The following KCTD16 variants were observed in gnomAD, a reference collection of about 807,000 sequenced individuals.
KCTD16 encodes potassium channel tetramerization domain containing 16.
A neutral mutation model predicts 33.2 loss-of-function variants in KCTD16; 13 were observed. The ratio of observed to expected loss-of-function variants is 0.39; its 90% CI spans 0.25 to 0.62. The LOEUF (loss-of-function observed/expected upper bound fraction) is 0.62, where lower values mean the gene tolerates loss of function less well. KCTD16 is among the 20% of genes least tolerant of loss of function. The probability of loss-of-function intolerance (pLI) is 0.50; values close to 1 mark genes in which losing one functional copy is unlikely to be tolerated. For missense variants in KCTD16, 441 were observed against 525.1 expected (o/e 0.84, Z 1.57); for synonymous variants, 197 against 195.3 (o/e 1.01, Z -0.07).
chr5:144,467,892 T>A (rs1754383288), intron 3 of KCTD16, among the ~76,000 whole-genome samples: 1 of 152,106 alleles, frequency 6.6e-6, no homozygotes, highest in African/African-American at 2.4e-5. Context: ...GGATTTGGGT[T>A]AACCACACAG....
intron 3 of KCTD16, among the ~76,000 whole-genome samples, chr5:144,221,749 T>C (rs1222882640): frequency 2.0e-5 from 3 of 152,058 alleles, no homozygotes; most frequent in Non-Finnish European, 4.4e-5. Context: ...GTCTTTAGAG[T>C]AGGATGATTT....
chr5:144,481,560 A>C lies in KCTD16; in HGVS notation c.*7446A>C, dbSNP rs1754703852. The C allele has an allele frequency of 6.6e-6, 1 of 151,900 alleles. No homozygotes were observed. The highest frequency in any genetic ancestry group is 1.5e-5 in the Non-Finnish European group (1 of 67,910). The allele number at this position is 151,900 out of a possible 1,614,324, so 9.4% of individuals were successfully genotyped here. ...GAAATGATTTGACATTTTTCTTTTA[A>C]TGTATCATACCAATATCCCAGGGAT... On this transcript the variant is annotated 3_prime_UTR_variant, in exon 4 of 4. Coordinates refer to ENST00000512467, the MANE Select transcript of KCTD16 (RefSeq NM_020768.4).
intron 3 of KCTD16, among the ~76,000 whole-genome samples, chr5:144,440,366 G>T (rs1753678062): frequency 6.6e-6 from 1 of 152,052 alleles, no homozygotes; most frequent in Admixed American, 6.5e-5. Context: ...TGTGTCATAT[G>T]GTAACTCTTA....
At chr5:144,173,429 A>T (rs554063203) in intron 1 of KCTD16, among the ~76,000 whole-genome samples, 17 of 152,200 alleles carry the variant, frequency 1.1e-4, no homozygotes, top group Non-Finnish European at 2.2e-4. Context: ...GAGCTAAATA[A>T]TGAGAACACA....
At chr5:144,217,313 C>A (rs1429550699) in intron 3 of KCTD16, among the ~76,000 whole-genome samples, 1 of 152,130 alleles carries the variant, frequency 6.6e-6, no homozygotes, top group African/African-American at 2.4e-5. Flanking sequence ...TACTAATTTT[C>A]TTTCTAGTCA....
At chr5:144,209,855 T>A (rs1012504593) in intron 3 of KCTD16, among the ~76,000 whole-genome samples, 2 of 146,452 alleles carry the variant, frequency 1.4e-5, no homozygotes, top group Admixed American at 1.4e-4. Flanking sequence ...TGTGTATATA[T>A]ATACACATAT....
At position 144,479,714 on chromosome 5, in the gene KCTD16, A is replaced by G. The variant is rs1335580602; in HGVS notation, c.*5600A>G. The G allele has an allele frequency of 6.6e-6, 1 of 151,952 alleles. No individual in the cohort carries two copies. Among genetic ancestry groups the G allele is most frequent in the East Asian group, 1.9e-4 (1 of 5,166 alleles). The allele number at this position is 151,952 out of a possible 1,614,324, so 9.4% of individuals were successfully genotyped here. A position where few individuals can be genotyped will look rare whatever the true frequency, so the allele number is the denominator to read the frequency against. On this transcript the variant is annotated 3_prime_UTR_variant, in exon 4 of 4. Coordinates refer to ENST00000512467, the MANE Select transcript of KCTD16 (RefSeq NM_020768.4). The stretch of plus-strand genomic sequence containing the variant: ...ATCCCTTTTCTGTCCCGGCTTCCTA[A>G]TGTTCAAAAAATGTTTCTCTTGCTT...
In KCTD16 at chr5:144,467,094, TTATATATAATA is replaced by T. The variant is rs1172759338; in HGVS notation, c.833-6559_833-6549del. On this transcript the variant is annotated intron_variant, in intron 3 of 3. Transcript: ENST00000512467. Reference sequence around the variant, plus strand: ...TATAATATATATAGTGTTATATATATTATATATAATATATATAACACTATATATATTACATA... The same window carrying T: ...TATAATATATATAGTGTTATATATATTATATAACACTATATATATTACATA... Among the ~76,000 whole-genome samples, 6 of 140,488 alleles carry T rather than the reference TTATATATAATA, an allele frequency of 4.3e-5. No homozygotes were observed. In the East Asian group the frequency reaches 8.0e-4, roughly 19 times the overall value. 92.2% of individuals were successfully genotyped at this position (140,488 alleles called of 152,430 possible).
At chr5:144,350,952 G>A (rs1233370510) in intron 3 of KCTD16, among the ~76,000 whole-genome samples, 1 of 151,690 alleles carries the variant, frequency 6.6e-6, no homozygotes, top group African/African-American at 2.4e-5. Flanking sequence ...CCCAAATCCA[G>A]GTATGTAAAA....
intron 3 of KCTD16, among the ~76,000 whole-genome samples, chr5:144,293,356 C>T (rs756701629): frequency 1.3e-5 from 2 of 152,198 alleles, no homozygotes; most frequent in Non-Finnish European, 2.9e-5. Flanking sequence ...AGGAACCTTC[C>T]AGATGTCTAC....
Position 144,345,622 on chromosome 5 carries a change from A to G in KCTD16, c.833-128038A>G, listed in dbSNP as rs553446221. Reference sequence around the variant, plus strand: ...GCACTCTCTTAGAGAATGGGAATACAGCAGTGAACAAGATAGGTAAGAGTC... The same window carrying G: ...GCACTCTCTTAGAGAATGGGAATACGGCAGTGAACAAGATAGGTAAGAGTC... On this transcript the variant is annotated intron_variant, in intron 3 of 3. Transcript: ENST00000512467. 1.5e-4 allele frequency among the ~76,000 whole-genome samples: 23 copies of G among 152,366 alleles called. No individual in the cohort carries two copies. The East Asian group carries it at 4.2e-3, about 28-fold the overall frequency.
intron 3 of KCTD16, among the ~76,000 whole-genome samples, chr5:144,277,406 A>G (rs1265069121): frequency 6.6e-6 from 1 of 152,220 alleles, no homozygotes; most frequent in African/African-American, 2.4e-5. Context: ...TAGGGTGCAC[A>G]CTAAGCTTAG....
chr5:144,433,835 A>G (rs1255446527), intron 3 of KCTD16, among the ~76,000 whole-genome samples: 1 of 152,154 alleles, frequency 6.6e-6, no homozygotes, highest in Non-Finnish European at 1.5e-5. Context: ...TTTGCTTGTG[A>G]AAAACAATGT....
chr5:144,347,004 C>A (rs1040316551), intron 3 of KCTD16, among the ~76,000 whole-genome samples: 1 of 151,794 alleles, frequency 6.6e-6, no homozygotes, highest in Admixed American at 6.6e-5. Context: ...ATATTTAAGT[C>A]TTTAATCATT....
At chr5:144,303,412 C>T (rs1320558813) in intron 3 of KCTD16, among the ~76,000 whole-genome samples, 1 of 152,124 alleles carries the variant, frequency 6.6e-6, no homozygotes, top group Non-Finnish European at 1.5e-5. Context: ...AAGTACAGCA[C>T]TTTTAAGATT....
chr5:144,187,246 CATTGT>C (rs1752746101), intron 2 of KCTD16, among the ~76,000 whole-genome samples: 1 of 152,100 alleles, frequency 6.6e-6, no homozygotes, highest in Admixed American at 6.5e-5. Flanking sequence ...TGACATAATG[CATTGT>C]ACTGGCTCAT....
At chr5:144,210,083 A>G (rs1221596073) in intron 3 of KCTD16, among the ~76,000 whole-genome samples, 1 of 151,776 alleles carries the variant, frequency 6.6e-6, no homozygotes, top group East Asian at 1.9e-4. Context: ...ATGGGGAGAG[A>G]CTTCTTGTTT....
chr5:144,207,570 T>C (rs997374849), intron 3 of KCTD16, 24 bp downstream of exon 3: 8 of 1,532,286 alleles, frequency 5.2e-6, no homozygotes, highest in Non-Finnish European at 7.2e-6. Context: ...GTTGTTTTAA[T>C]TTTTTATGTG....
chr5:144,224,625 G>A (rs926341707), intron 3 of KCTD16, among the ~76,000 whole-genome samples: 5 of 151,772 alleles, frequency 3.3e-5, no homozygotes, highest in Admixed American at 2.6e-4. Context: ...TTGGTAATTC[G>A]CTTCTTTTTA....
Sources: allele counts gnomAD v4.1 joint callset (sites outside exome capture counted in the v4.1 genomes callset), GRCh38; gene constraint gnomAD v4.1.1; transcripts MANE v1.5; gene names NCBI Gene and HGNC (gene_info 2026-07-23, HGNC 2026-07-21).